HEATR5A: variants seen among roughly 807,000 people sequenced by gnomAD.
The protein encoded by HEATR5A is HEAT repeat-containing protein 5A.
In HEATR5A, 178 loss-of-function variants were observed where a neutral mutation model predicts 218.8. The observed-to-expected ratio is 0.81, with a 90% CI of 0.72 to 0.92. HEATR5A has a LOEUF of 0.92. Ranked by LOEUF, HEATR5A falls within the 40% of genes least tolerant of loss-of-function variation. The pLI is 0.00. For missense variants in HEATR5A, 2,420 were observed against 2,418.9 expected (o/e 1.00, Z -0.01); for synonymous variants, 864 against 871.6 (o/e 0.99, Z 0.15).
chr14:31,349,480 T>C (rs566920290), intron 18 of HEATR5A, among the ~76,000 whole-genome samples: 1 of 152,222 alleles, frequency 6.6e-6, no homozygotes, highest in Non-Finnish European at 1.5e-5. Flanking sequence ...TTATCATATA[T>C]GTTTTACATT....
chr14:31,319,483 C>A (rs1397145540), intron 25 of HEATR5A, among the ~76,000 whole-genome samples: 1 of 152,046 alleles, frequency 6.6e-6, no homozygotes, highest in African/African-American at 2.4e-5. Flanking sequence ...TAACTTTAAT[C>A]CCTTCATTTT....
chr14:31,306,636 C>A (rs190169820), intron 31 of HEATR5A, 96 bp downstream of exon 31: 2 of 1,269,146 alleles, frequency 1.6e-6, no homozygotes, highest in African/African-American at 1.5e-5. Context: ...TTGTACCACA[C>A]ACAAAAGATT....
At chr14:31,316,758 T>C (rs1281792031) in intron 26 of HEATR5A, among the ~76,000 whole-genome samples, 2 of 152,198 alleles carry the variant, frequency 1.3e-5, no homozygotes, top group African/African-American at 4.8e-5. Context: ...AGTGGTGGCA[T>C]TACAGCTCAT....
In HEATR5A at chr14:31,380,471, TG is replaced by T; in HGVS notation, c.1703del (p.Thr568AsnfsTer2). The T allele has an allele frequency of 6.3e-7, 1 of 1,596,792 alleles. No individual in the cohort carries two copies. Among genetic ancestry groups the T allele is most frequent in the Non-Finnish European group, 8.6e-7 (1 of 1,168,956 alleles). On this transcript the variant is annotated frameshift_variant, in exon 11 of 36. Transcript: ENST00000543095. LOFTEE classifies it high-confidence loss of function. Reference sequence around the variant, plus strand: ...AAACCTTCTACAGACTGTTACCTAATGTCATCAGAGCAGAAATCAGCAACCA... The same window carrying T: ...AAACCTTCTACAGACTGTTACCTAATTCATCAGAGCAGAAATCAGCAACCA... The part of the protein sequence containing the change: ...AGWLLISALM[T>X]LGPAVVSHHL...
At chr14:31,344,353 C>T (rs755632019) in intron 20 of HEATR5A, among the ~76,000 whole-genome samples, 1 of 135,898 alleles carries the variant, frequency 7.4e-6, no homozygotes, top group South Asian at 2.4e-4. Flanking sequence ...TTTCGGCTCA[C>T]AGCAACCCCC....
intron 21 of HEATR5A, among the ~76,000 whole-genome samples, chr14:31,343,294 T>C (rs900578428): frequency 2.4e-4 from 36 of 152,082 alleles, no homozygotes; most frequent in African/African-American, 8.5e-4. Context: ...GGTTTCACCA[T>C]GTTGGCCAGG....
At chr14:31,314,547 G>A (rs2031437) in intron 27 of HEATR5A, among the ~76,000 whole-genome samples, 16,137 of 151,946 alleles carry the variant, frequency 0.11, 1,564 homozygotes, top group East Asian at 0.27. Context: ...GTGAGCTACC[G>A]TGCCGGCCTA....
intron 26 of HEATR5A, among the ~76,000 whole-genome samples, chr14:31,317,087 G>A (rs1899934853): frequency 6.6e-6 from 1 of 152,036 alleles, no homozygotes; most frequent in Admixed American, 6.6e-5. Context: ...CTTACAGCAA[G>A]AACACACATA....
intron 4 of HEATR5A, among the ~76,000 whole-genome samples, chr14:31,397,243 T>C (rs1252035758): frequency 6.6e-6 from 1 of 152,240 alleles, no homozygotes; most frequent in African/African-American, 2.4e-5. Context: ...TGTGTGTGAC[T>C]TTCCAACATT....
intron 26 of HEATR5A, 31 bp downstream of exon 26, chr14:31,318,193 A>G (rs571864286): frequency 1.9e-6 from 3 of 1,589,482 alleles, no homozygotes; most frequent in Admixed American, 1.7e-5. Context: ...TCCCAAGATT[A>G]TCTCTTAAGC....
At chr14:31,383,456 T>C in intron 10 of HEATR5A, 65 bp downstream of exon 10, 1 of 1,464,552 alleles carries the variant, frequency 6.8e-7, no homozygotes, top group Non-Finnish European at 9.3e-7. Flanking sequence ...CAAATTCTGT[T>C]ACTATGTGAA....
chr14:31,409,257 A>G (rs1311821909), intron 1 of HEATR5A, among the ~76,000 whole-genome samples: 1 of 150,082 alleles, frequency 6.7e-6, no homozygotes, highest in Non-Finnish European at 1.5e-5. Flanking sequence ...CATATTGGTC[A>G]GGCTGGTCTT....
intron 33 of HEATR5A, among the ~76,000 whole-genome samples, chr14:31,299,645 C>T (rs1899301743): frequency 6.6e-6 from 1 of 151,968 alleles, no homozygotes. Context: ...ATTGCTTGAA[C>T]CTGGGAGGCA....
In HEATR5A at chr14:31,411,678, T is replaced by C. The variant is rs114786101; in HGVS notation, c.-74-8629A>G. On this transcript the variant is annotated intron_variant, in intron 1 of 35. Transcript: ENST00000543095. ...GCCAAGAGGGTGTGCAGATAGAGCA[T>C]TTGATGTTTCTAAACATGTTTTAAC... Among the ~76,000 whole-genome samples, 490 of 152,268 alleles carry C rather than the reference T, an allele frequency of 3.2e-3. 4 individuals are homozygous for C. Among genetic ancestry groups the C allele is most frequent in the African/African-American group, 0.011 (462 of 41,552 alleles).
rs1902163345 is a variant in HEATR5A, at chr14:31,374,673, AT to A, written c.1861+142del. On this transcript the variant is annotated intron_variant, in intron 12 of 35. Transcript: ENST00000543095. ...TATCATTACCAACTAATCGGTTATA[AT>A]TTTTTTGTTCAGTTACAAAAAAAAA... 3.1e-5 allele frequency: 21 copies of A among 681,330 alleles called. No homozygotes were observed. The East Asian group carries it at 5.6e-4, about 18-fold the overall frequency. 42.2% of individuals were successfully genotyped at this position (681,330 alleles called of 1,614,324 possible). A position where few individuals can be genotyped will look rare whatever the true frequency, so the allele number is the denominator to read the frequency against.
At chr14:31,337,338 A>G (rs1900702058) in intron 22 of HEATR5A, 138 bp downstream of exon 22, 2 of 705,000 alleles carry the variant, frequency 2.8e-6, no homozygotes, top group East Asian at 2.8e-5. Context: ...ACTGGTTGGA[A>G]TAACTGTTAG....
chr14:31,409,304 T>C (rs2031194092), intron 1 of HEATR5A, among the ~76,000 whole-genome samples: 2 of 150,906 alleles, frequency 1.3e-5, no homozygotes, highest in Non-Finnish European at 3.0e-5. Flanking sequence ...CGCCTCGGCA[T>C]CCCAAAGTGC....
chr14:31,327,396 C>T (rs553674528), intron 22 of HEATR5A, among the ~76,000 whole-genome samples: 38 of 144,838 alleles, frequency 2.6e-4, no homozygotes, highest in Middle Eastern at 3.6e-3. Flanking sequence ...TGAGTTCAAG[C>T]AATTCTCCTG....
intron 9 of HEATR5A, among the ~76,000 whole-genome samples, chr14:31,384,705 T>G (rs2030139469): frequency 6.6e-6 from 1 of 151,984 alleles, no homozygotes; most frequent in African/African-American, 2.4e-5. Context: ...TTTTGTATTT[T>G]TAGTAGAGAT....
Sources: gnomAD v4.1 joint callset for allele counts (sites outside exome capture counted in the v4.1 genomes callset) on GRCh38, gnomAD v4.1.1 for gene constraint, MANE v1.5 for transcripts, NCBI Gene and HGNC (gene_info 2026-07-23, HGNC 2026-07-21) for gene names.